The following GPR39 variants were observed in gnomAD, a reference collection of about 807,000 sequenced individuals.
The protein encoded by GPR39 is zinc sensing receptor.
GPR39 carries 23 observed loss-of-function variants against 18.4 expected under a neutral mutation model. That is an observed-to-expected ratio of 1.25 (90% confidence interval 0.90 to 1.77). The LOEUF is 1.77. Ranked by LOEUF, GPR39 falls within the 40% of genes most tolerant of loss-of-function variation. The probability of loss-of-function intolerance (pLI) is 0.00; values close to 1 mark genes in which losing one functional copy is unlikely to be tolerated. For synonymous variants in GPR39, 280 were observed against 257.9 expected (o/e 1.09, Z -0.82); for missense variants, 647 against 602.4 (o/e 1.07, Z -0.78).
intron 1 of GPR39, among the ~76,000 whole-genome samples, chr2:132,576,486 C>G (rs1467792442): frequency 2.0e-5 from 3 of 152,062 alleles, no homozygotes; most frequent in Non-Finnish European, 4.4e-5. Flanking sequence ...AACCCCATCT[C>G]TACTAAAAAT....
At chr2:132,486,469 A>G (rs1422058596) in intron 1 of GPR39, among the ~76,000 whole-genome samples, 1 of 152,212 alleles carries the variant, frequency 6.6e-6, no homozygotes, top group Non-Finnish European at 1.5e-5. Flanking sequence ...TTTCACCTAC[A>G]CTGAAAATTT....
At chr2:132,594,397 A>G (rs573388932) in intron 1 of GPR39, among the ~76,000 whole-genome samples, 1 of 151,992 alleles carries the variant, frequency 6.6e-6, no homozygotes, top group Non-Finnish European at 1.5e-5. Context: ...TGCCTCCTCA[A>G]TAGATAGTAA....
intron 1 of GPR39, among the ~76,000 whole-genome samples, chr2:132,643,803 C>T (rs181003686): frequency 1.2e-3 from 176 of 152,254 alleles, no homozygotes; most frequent in African/African-American, 4.0e-3. Flanking sequence ...ATCAGGCATG[C>T]GCCACCATGT....
At chr2:132,571,135 G>A (rs894043697) in intron 1 of GPR39, among the ~76,000 whole-genome samples, 2 of 152,138 alleles carry the variant, frequency 1.3e-5, no homozygotes, top group Non-Finnish European at 2.9e-5. Flanking sequence ...TGTCCACCAG[G>A]TCCCTGGTTT....
intron 1 of GPR39, among the ~76,000 whole-genome samples, chr2:132,443,090 TTAATG>T (rs1680469754): frequency 1.3e-5 from 2 of 152,338 alleles, no homozygotes; most frequent in Non-Finnish European, 2.9e-5. Context: ...ATTTTAAAAT[TTAATG>T]TAATTTGAAT....
At chr2:132,526,925 TTG>T (rs1463910975) in intron 1 of GPR39, among the ~76,000 whole-genome samples, 8 of 152,322 alleles carry the variant, frequency 5.3e-5, no homozygotes, top group Admixed American at 2.6e-4. Flanking sequence ...TCTACCTACT[TTG>T]TTTTTTAAAT....
chr2:132,434,411 G>C (rs1224178605), intron 1 of GPR39, among the ~76,000 whole-genome samples: 1 of 152,180 alleles, frequency 6.6e-6, no homozygotes, highest in Non-Finnish European at 1.5e-5. Flanking sequence ...TTGATGCTTT[G>C]TCCTTGAAGT....
At chr2:132,561,693 C>T (rs191351241) in intron 1 of GPR39, among the ~76,000 whole-genome samples, 1 of 151,832 alleles carries the variant, frequency 6.6e-6, no homozygotes, top group Non-Finnish European at 1.5e-5. Flanking sequence ...CCCAGGAGAG[C>T]AAAGGGTATA....
chr2:132,576,614 C>CATATAAATAAAAGTG (rs1680531291), intron 1 of GPR39, among the ~76,000 whole-genome samples: 1 of 152,122 alleles, frequency 6.6e-6, no homozygotes, highest in Non-Finnish European at 1.5e-5. Context: ...GATTGCACCA[C>CATATAAATAAAAGTG]TGCACTTCAG....
chr2:132,610,451 C>T (rs1681218913), intron 1 of GPR39, among the ~76,000 whole-genome samples: 2 of 152,234 alleles, frequency 1.3e-5, no homozygotes, highest in Admixed American at 6.5e-5. Flanking sequence ...GACAGATTGG[C>T]AGGTGGCTTC....
chr2:132,591,840 T>A (rs1454241877), intron 1 of GPR39, among the ~76,000 whole-genome samples: 1 of 152,140 alleles, frequency 6.6e-6, no homozygotes, highest in Non-Finnish European at 1.5e-5. Flanking sequence ...TGTACAAGCT[T>A]TCGTGTGAAC....
At chr2:132,543,144 G>A (rs1484671966) in intron 1 of GPR39, among the ~76,000 whole-genome samples, 7 of 152,324 alleles carry the variant, frequency 4.6e-5, no homozygotes, top group East Asian at 1.9e-4. Context: ...AGTGAGTGGA[G>A]TAGAATTTAT....
intron 1 of GPR39, among the ~76,000 whole-genome samples, chr2:132,514,027 C>G (rs1679285958): frequency 6.6e-6 from 1 of 152,152 alleles, no homozygotes; most frequent in African/African-American, 2.4e-5. Context: ...CTTTTCTTTT[C>G]AAGATGGCCT....
intron 1 of GPR39, among the ~76,000 whole-genome samples, chr2:132,535,460 T>G (rs1366895832): frequency 1.3e-5 from 2 of 152,206 alleles, no homozygotes; most frequent in African/African-American, 4.8e-5. Flanking sequence ...TGGATTTGTT[T>G]TGACAGTATT....
intron 1 of GPR39, chr2:132,433,856 T>C (rs1027266933): frequency 2.0e-5 from 3 of 151,548 alleles, no homozygotes; most frequent in African/African-American, 4.8e-5. Context: ...AGGATTGCTA[T>C]TAGAAATAGC....
At chr2:132,478,763 G>A (rs1277569460) in intron 1 of GPR39, among the ~76,000 whole-genome samples, 1 of 152,188 alleles carries the variant, frequency 6.6e-6, no homozygotes, top group Non-Finnish European at 1.5e-5. Context: ...TTCCAGAATT[G>A]TATTTGAAAT....
At chr2:132,500,035 C>G (rs1440213837) in intron 1 of GPR39, among the ~76,000 whole-genome samples, 1 of 152,136 alleles carries the variant, frequency 6.6e-6, no homozygotes, top group Non-Finnish European at 1.5e-5. Flanking sequence ...CAAACAGCAA[C>G]AGTTTGACTT....
chr2:132,605,675 G>A lies in GPR39; in HGVS notation c.857-39426G>A, dbSNP rs72985814. ...CTACCGAGCATTCCTGGGTGAGGAC[G>A]GATGCTATTTGGCAGTGGGATTTAA... On this transcript the variant is annotated intron_variant, in intron 1 of 1. Coordinates refer to ENST00000329321, the MANE Select transcript of GPR39 (RefSeq NM_001508.3). 6.5e-3 allele frequency among the ~76,000 whole-genome samples: 982 copies of A among 152,236 alleles called. 14 individuals are homozygous for A. The highest frequency in any genetic ancestry group is 0.022 in the African/African-American group (928 of 41,532).
intron 1 of GPR39, among the ~76,000 whole-genome samples, chr2:132,643,668 T>C (rs1251461228): frequency 6.6e-6 from 1 of 152,020 alleles, no homozygotes; most frequent in Admixed American, 6.5e-5. Context: ...GGTGTGTATG[T>C]ACCACCATGC....
Sources: gnomAD v4.1 joint callset for allele counts (sites outside exome capture counted in the v4.1 genomes callset) on GRCh38, gnomAD v4.1.1 for gene constraint, MANE v1.5 for transcripts, NCBI Gene and HGNC (gene_info 2026-07-23, HGNC 2026-07-21) for gene names.